NHSL1: variants seen among roughly 807,000 people sequenced by gnomAD.
NHSL1 encodes the protein NHS like 1, also known as NHS-like protein 1.
Under a neutral mutation model 95.0 loss-of-function variants are expected in NHSL1, and 48 were observed. The ratio of observed to expected loss-of-function variants is 0.51; its 90% CI spans 0.40 to 0.64. The LOEUF (loss-of-function observed/expected upper bound fraction) is 0.64. Among genes scored for constraint, NHSL1 ranks in the 30% least tolerant of loss-of-function variants. The pLI, the probability that NHSL1 is intolerant of heterozygous loss-of-function variation, is 0.00. For missense variants in NHSL1, 1,971 were observed against 2,077.7 expected, an observed-to-expected ratio of 0.95 and a Z score of 1.00; for synonymous variants, 783 against 833.9, an observed-to-expected ratio of 0.94 and a Z score of 1.05.
At chr6:138,479,333 T>C (rs1477867370) in intron 2 of NHSL1, among the ~76,000 whole-genome samples, 1 of 152,232 alleles carries the variant, frequency 6.6e-6, no homozygotes, top group Admixed American at 6.5e-5. Flanking sequence ...AAGGAGACAC[T>C]TGACAGCTTC....
chr6:138,482,552 C>A (rs1270540644), intron 2 of NHSL1, among the ~76,000 whole-genome samples: 1 of 151,990 alleles, frequency 6.6e-6, no homozygotes, highest in Admixed American at 6.5e-5. Flanking sequence ...TTCTTTCCAA[C>A]CTCCAGGTTC....
At chr6:138,629,589 G>T (rs1210020604) in intron 1 of NHSL1, among the ~76,000 whole-genome samples, 1 of 152,136 alleles carries the variant, frequency 6.6e-6, no homozygotes, top group African/African-American at 2.4e-5. Context: ...CACCATGTTG[G>T]CCAGGCTGGT....
In NHSL1 at chr6:138,499,457, T is replaced by C. The variant is rs1223675524; in HGVS notation, c.-167A>G. ...CTGATGTAACTGAGGTTGAGTTTAT[T>C]GTCAGGCAGTTACAAACCATTAACA... On this transcript the variant is annotated 5_prime_UTR_variant, in exon 1 of 8. Transcript: ENST00000343505. 7.2e-7 allele frequency: 1 copy of C among 1,393,958 alleles called. No homozygotes were observed. Among genetic ancestry groups the C allele is most frequent in the Non-Finnish European group, 9.4e-7 (1 of 1,064,282 alleles). 86.3% of individuals were successfully genotyped at this position (1,393,958 alleles called of 1,614,324 possible). A position where few individuals can be genotyped will look rare whatever the true frequency, so the allele number is the denominator to read the frequency against.
Position 138,475,200 on chromosome 6 carries a change from T to C in NHSL1, c.212-1767A>G, listed in dbSNP as rs115370448. ...TTCTCACTCTACAGAGATAATGTTA[T>C]ATAAAACATGATTAGTAGTTTTCTT... On this transcript the variant is annotated intron_variant, in intron 2 of 7. Transcript: ENST00000343505. 2.0e-3 allele frequency among the ~76,000 whole-genome samples: 300 copies of C among 151,808 alleles called. 3 individuals are homozygous for C. The highest frequency in any genetic ancestry group is 7.1e-3 in the African/African-American group (294 of 41,430).
intron 1 of NHSL1, among the ~76,000 whole-genome samples, 172 bp from the exon 2 acceptor site, chr6:138,496,543 T>C (rs1453938511): frequency 1.3e-5 from 2 of 152,210 alleles, no homozygotes; most frequent in African/African-American, 2.4e-5. Context: ...TCGCCCACAG[T>C]GTTTTACTTA....
chr6:138,486,264 CCT>C (rs1779723723), intron 2 of NHSL1, among the ~76,000 whole-genome samples: 1 of 152,256 alleles, frequency 6.6e-6, no homozygotes, highest in East Asian at 1.9e-4. Context: ...CTATCCCTTC[CCT>C]CTCTGTTCTG....
upstream of NHSL1, among the ~76,000 whole-genome samples, chr6:138,576,009 T>TTTATTTA (rs1783965709): frequency 7.7e-6 from 1 of 129,248 alleles, no homozygotes; most frequent in African/African-American, 3.2e-5. Context: ...TTATTTATTT[T>TTTATTTA]GAGGCAGAGT....
At chr6:138,439,474 A>G (rs1386196924) in intron 5 of NHSL1, among the ~76,000 whole-genome samples, 2 of 152,236 alleles carry the variant, frequency 1.3e-5, no homozygotes, top group African/African-American at 4.8e-5. Context: ...CAGAGTCCTT[A>G]TAAGTGTAAA....
chr6:138,467,018 T>C (rs576350949), intron 3 of NHSL1, among the ~76,000 whole-genome samples: 3 of 151,894 alleles, frequency 2.0e-5, no homozygotes, highest in African/African-American at 7.2e-5. Flanking sequence ...AGAGTGAAAC[T>C]CCATCTCAAA....
Position 138,431,199 on chromosome 6 carries a change from C to T in NHSL1, c.3146G>A (p.Gly1049Glu). Reference sequence around the variant, plus strand: ...CTTGGTAGAAGGCGGCCTCAAGGATCCCCGGGAGGATTCTGGCTGGCCAGA... The same window carrying T: ...CTTGGTAGAAGGCGGCCTCAAGGATTCCCGGGAGGATTCTGGCTGGCCAGA... ...TNSGQPESSR[G>E]SLRPPSTKEE... is the part of the protein sequence containing the mutation. The change falls in exon 6 of 8, where the codon GGA becomes GAA. Residue 1049 changes from glycine to glutamate, a missense_variant. By Grantham distance (98) the Gly-to-Glu change is moderately conservative (BLOSUM62 -2). Around this residue, in one of 3 missense-constraint regions of NHSL1, gnomAD observed 1,602 missense variants for 1,654.5 expected, o/e 0.97. Coordinates refer to ENST00000343505, the MANE Select transcript of NHSL1 (RefSeq NM_001144060.2). This position sits in a 1 kb window ranked among gnomAD's most constrained non-coding sequence, Gnocchi z 4.0. 6.5e-7 allele frequency: 1 copy of T among 1,540,842 alleles called. No homozygotes were observed. The highest frequency in any genetic ancestry group is 8.8e-7 in the Non-Finnish European group (1 of 1,140,178).
intron 1 of NHSL1, among the ~76,000 whole-genome samples, chr6:138,610,990 A>T (rs1339338167): frequency 6.6e-6 from 1 of 152,148 alleles, no homozygotes; most frequent in African/African-American, 2.4e-5. Flanking sequence ...AGGCAGAAGA[A>T]TCACTTGAAC....
exon 1 of NHSL1, chr6:138,571,974 C>T (rs1232758779): frequency 2.1e-6 from 3 of 1,427,440 alleles, no homozygotes; most frequent in Non-Finnish European, 2.9e-6. Flanking sequence ...GGGTTTTTTG[C>T]GTTGGCCCAG....
rs1326605397 is a variant in NHSL1 at position 138,422,190 on chromosome 6, T to A, written c.*1891A>T. 1 of 152,254 alleles carries A rather than the reference T, an allele frequency of 6.6e-6. No individual in the cohort carries two copies. The highest frequency in any genetic ancestry group is 1.5e-5 in the Non-Finnish European group (1 of 68,038). 9.4% of individuals were successfully genotyped at this position (152,254 alleles called of 1,614,324 possible). A position where few individuals can be genotyped will look rare whatever the true frequency, so the allele number is the denominator to read the frequency against. On this transcript the variant is annotated 3_prime_UTR_variant, in exon 8 of 8. Coordinates refer to ENST00000343505, the MANE Select transcript of NHSL1 (RefSeq NM_001144060.2). ...ATTATGTATTATTAAAGGTTTCTGA[T>A]ATCCATATACATTCTAGTCTTTTTT...
chr6:138,672,897 G>T (rs1207372685), intron 1 of NHSL1, among the ~76,000 whole-genome samples: 1 of 152,000 alleles, frequency 6.6e-6, no homozygotes, highest in East Asian at 1.9e-4. Context: ...CGCACTTGTA[G>T]TCCCAGCTAC....
chr6:138,671,182 C>T (rs1450871241), intron 1 of NHSL1, among the ~76,000 whole-genome samples: 2 of 151,898 alleles, frequency 1.3e-5, no homozygotes, highest in African/African-American at 2.4e-5. Context: ...ATAGGTCGGG[C>T]GTGGTGGCTC....
chr6:138,522,664 T>C (rs926847245), intron 1 of NHSL1, among the ~76,000 whole-genome samples: 4 of 151,902 alleles, frequency 2.6e-5, no homozygotes, highest in African/African-American at 9.7e-5. Context: ...ATAAAATAAT[T>C]TACTCAGGTG....
intron 1 of NHSL1, chr6:138,651,094 T>C (rs1785086412): frequency 5.6e-6 from 2 of 359,406 alleles, no homozygotes; most frequent in Non-Finnish European, 5.4e-6. Context: ...TAAGCTTTAA[T>C]AGCTACACAT....
At chr6:138,498,963 A>G (rs1780516328) in intron 1 of NHSL1, among the ~76,000 whole-genome samples, 1 of 152,232 alleles carries the variant, frequency 6.6e-6, no homozygotes, top group Non-Finnish European at 1.5e-5. Context: ...TTAAAACCCC[A>G]ATCATAAATA....
chr6:138,608,061 C>T (rs1342442529), intron 1 of NHSL1, among the ~76,000 whole-genome samples: 2 of 152,194 alleles, frequency 1.3e-5, no homozygotes, highest in African/African-American at 4.8e-5. Flanking sequence ...AGCGGAACTG[C>T]GCAGCAGGGA....
Sources: gnomAD v4.1 joint callset for allele counts (sites outside exome capture counted in the v4.1 genomes callset) on GRCh38, gnomAD v4.1.1 for gene constraint, gnomAD v4.1.1 regional missense constraint, Gnocchi (gnomAD v3.1) non-coding constraint, MANE v1.5 for transcripts, NCBI Gene and HGNC (gene_info 2026-07-23, HGNC 2026-07-21) for gene names.